Variants in DCAF10 observed in about 807,000 individuals in gnomAD.
DCAF10 encodes DDB1 and CUL4 associated factor 10, also known as DDB1- and CUL4-associated factor 10.
Under a neutral mutation model 51.9 loss-of-function variants are expected in DCAF10, and 19 were observed. The ratio of observed to expected loss-of-function variants is 0.37; its 90% CI spans 0.26 to 0.54. DCAF10 has a LOEUF of 0.54. DCAF10 is among the 20% of genes least tolerant of loss of function. DCAF10 has a pLI of 0.87. For missense variants in DCAF10, 510 were observed against 730.6 expected, an observed-to-expected ratio of 0.70 and a Z score of 3.48; for synonymous variants, 291 against 297.1, an observed-to-expected ratio of 0.98 and a Z score of 0.21.
intron 2 of DCAF10, among the ~76,000 whole-genome samples, chr9:37,822,005 CAT>C (rs1433136793): frequency 6.6e-6 from 1 of 151,656 alleles, no homozygotes; most frequent in Non-Finnish European, 1.5e-5. Context: ...GACCAACAAA[CAT>C]ATGAAAAAAT....
rs531154632 is a variant in DCAF10 at position 37,819,550 on chromosome 9, T to G, written c.653+149T>G. 3 of 553,970 alleles carry G rather than the reference T, an allele frequency of 5.4e-6. No individual in the cohort carries two copies. In the African/African-American group the frequency reaches 5.8e-5, roughly 11 times the overall value. 34.3% of individuals were successfully genotyped at this position (553,970 alleles called of 1,614,324 possible). Reference sequence around the variant, plus strand: ...TTGTGAATCTAATCCCTTATAAAACTAATCCTTTAATTACAAAACTTACTC... The same window carrying G: ...TTGTGAATCTAATCCCTTATAAAACGAATCCTTTAATTACAAAACTTACTC... On this transcript the variant is annotated intron_variant, in intron 2 of 6. Coordinates refer to ENST00000377724, the MANE Select transcript of DCAF10 (RefSeq NM_024345.5).
Position 37,801,067 on chromosome 9 carries a change from C to T in DCAF10, c.201C>T (p.Arg67=), listed in dbSNP as rs1274913333. ...PGAPSLSPAP[R]SGELGLPGAP... is the part of the protein sequence containing the mutation. ...CCCCATCGCTGTCCCCGGCCCCGCG[C>T]TCCGGAGAGCTAGGGCTGCCTGGAG... Residue 67 remains arginine (R), a synonymous_variant, in exon 1 of 7, where the codon CGC becomes CGT. Coordinates refer to ENST00000377724, the MANE Select transcript of DCAF10 (RefSeq NM_024345.5). The surrounding 1 kb of genome is among the most constrained non-coding windows in gnomAD (Gnocchi z 5.5). 4 of 1,531,794 alleles carry T rather than the reference C, an allele frequency of 2.6e-6. No individual in the cohort carries two copies. Among genetic ancestry groups the T allele is most frequent in the Non-Finnish European group, 2.6e-6 (3 of 1,146,888 alleles). The allele number at this position is 1,531,794 out of a possible 1,614,324, so 94.9% of individuals were successfully genotyped here. A position where few individuals can be genotyped will look rare whatever the true frequency, so the allele number is the denominator to read the frequency against.
intron 2 of DCAF10, among the ~76,000 whole-genome samples, chr9:37,841,058 A>C (rs1340752152): frequency 1.3e-5 from 2 of 152,224 alleles, no homozygotes; most frequent in Non-Finnish European, 2.9e-5. Context: ...TTCACACAAC[A>C]ACAAAATCAC....
chr9:37,858,557 C>A (rs1294582997), intron 5 of DCAF10: 1 of 152,002 alleles, frequency 6.6e-6, no homozygotes, highest in Non-Finnish European at 1.5e-5. Flanking sequence ...CAGTTCTATG[C>A]CACAGAGAGT....
intron 2 of DCAF10, among the ~76,000 whole-genome samples, chr9:37,823,876 C>CATT (rs1829777119): frequency 8.3e-6 from 1 of 120,758 alleles, no homozygotes. Flanking sequence ...TAGAGCACAT[C>CATT]TTTTTTTTTT....
chr9:37,842,609 A>G (rs1173359041), intron 3 of DCAF10, among the ~76,000 whole-genome samples: 2 of 152,132 alleles, frequency 1.3e-5, no homozygotes, highest in African/African-American at 2.4e-5. Context: ...TTCTTCCCTC[A>G]ATTCTACATA....
chr9:37,824,878 G>C (rs542445673), intron 2 of DCAF10, among the ~76,000 whole-genome samples: 2 of 152,126 alleles, frequency 1.3e-5, no homozygotes, highest in Non-Finnish European at 2.9e-5. Flanking sequence ...CTACCAAGAA[G>C]ATATAATAAT....
At chr9:37,814,301 C>CTTTTTTTT (rs61692599) in intron 1 of DCAF10, among the ~76,000 whole-genome samples, 49 of 101,032 alleles carry the variant, frequency 4.8e-4, no homozygotes, top group Non-Finnish European at 6.3e-4. Context: ...ACCACGCCGG[C>CTTTTTTTT]TTTTTTTTTT....
chr9:37,837,171 G>A (rs879327295), intron 2 of DCAF10, among the ~76,000 whole-genome samples: 7 of 152,066 alleles, frequency 4.6e-5, no homozygotes, highest in South Asian at 2.1e-4. Flanking sequence ...TGAAAATTGC[G>A]CAAAGCAGGC....
intron 1 of DCAF10, among the ~76,000 whole-genome samples, chr9:37,816,543 T>G: frequency 6.6e-6 from 1 of 152,178 alleles, no homozygotes; most frequent in Middle Eastern, 3.2e-3. Context: ...TGAGCTGAGA[T>G]TGTGCCATTG....
intron 1 of DCAF10, among the ~76,000 whole-genome samples, chr9:37,814,119 TATATATATTTG>T (rs1287094252): frequency 4.8e-4 from 42 of 88,234 alleles, no homozygotes; most frequent in African/African-American, 1.7e-3. Context: ...TATATATATA[TATATATATTTG>T]TTGTTGTTGT....
At chr9:37,812,889 A>C (rs1829395857) in intron 1 of DCAF10, among the ~76,000 whole-genome samples, 1 of 151,954 alleles carries the variant, frequency 6.6e-6, no homozygotes, top group Non-Finnish European at 1.5e-5. Flanking sequence ...TAGAGCATTA[A>C]ATTTATATAT....
chr9:37,825,927 C>G (rs559864174), intron 2 of DCAF10, among the ~76,000 whole-genome samples: 16 of 151,938 alleles, frequency 1.1e-4, no homozygotes, highest in African/African-American at 1.4e-4. Flanking sequence ...CCCAGCTACC[C>G]AGGAGGCTGA....
At chr9:37,814,748 A>G (rs1407585442) in intron 1 of DCAF10, among the ~76,000 whole-genome samples, 4 of 152,248 alleles carry the variant, frequency 2.6e-5, no homozygotes, top group African/African-American at 4.8e-5. Flanking sequence ...ATCAGTAGTT[A>G]GGTCTAGATG....
At chr9:37,824,969 T>TAA in intron 2 of DCAF10, among the ~76,000 whole-genome samples, 1 of 152,140 alleles carries the variant, frequency 6.6e-6, no homozygotes, top group Non-Finnish European at 1.5e-5. Flanking sequence ...AAGTCTACAA[T>TAA]TATAGTGAGA....
chr9:37,809,208 A>G (rs1829254646), intron 1 of DCAF10, among the ~76,000 whole-genome samples: 1 of 152,126 alleles, frequency 6.6e-6, no homozygotes, highest in Admixed American at 6.5e-5. Context: ...GAACTAAATG[A>G]TAATGAAATC....
At chr9:37,807,120 G>T (rs993899549) in intron 1 of DCAF10, among the ~76,000 whole-genome samples, 2 of 152,144 alleles carry the variant, frequency 1.3e-5, no homozygotes, top group Admixed American at 1.3e-4. Context: ...TATACTTACT[G>T]TTACTTCAGC....
chr9:37,818,883 A>G (rs770600125), intron 1 of DCAF10, among the ~76,000 whole-genome samples: 1 of 152,174 alleles, frequency 6.6e-6, no homozygotes, highest in Non-Finnish European at 1.5e-5. Flanking sequence ...TGTATAATCA[A>G]TCACTCCCTG....
At chr9:37,855,268 C>T (rs1830813560) in intron 4 of DCAF10, among the ~76,000 whole-genome samples, 1 of 152,194 alleles carries the variant, frequency 6.6e-6, no homozygotes, top group Non-Finnish European at 1.5e-5. Flanking sequence ...AGGATCTTTT[C>T]ATCAGTAATT....
Sources: gnomAD v4.1 joint callset for allele counts (sites outside exome capture counted in the v4.1 genomes callset) on GRCh38, gnomAD v4.1.1 for gene constraint, Gnocchi (gnomAD v3.1) non-coding constraint, MANE v1.5 for transcripts, NCBI Gene and HGNC (gene_info 2026-07-23, HGNC 2026-07-21) for gene names.